The following SH3KBP1 variants were observed in gnomAD, a reference collection of about 807,000 sequenced individuals.
SH3KBP1 encodes the protein SH3 domain-containing kinase-binding protein 1.
A neutral mutation model predicts 50.1 loss-of-function variants in SH3KBP1; 8 were observed. The ratio of observed to expected loss-of-function variants is 0.16; its 90% CI spans 0.09 to 0.29. The LOEUF is 0.29. SH3KBP1 is among the 10% of genes least tolerant of loss of function. The pLI is 1.00. For synonymous variants in SH3KBP1, 227 were observed against 218.6 expected (o/e 1.04, Z -0.34); for missense variants, 377 against 535.2 (o/e 0.70, Z 2.92).
chrX:19,745,706 C>G (rs1430401350), intron 3 of SH3KBP1, among the ~76,000 whole-genome samples: 1 of 111,862 alleles, frequency 8.9e-6, no homozygotes, highest in East Asian at 2.8e-4. Flanking sequence ...GTCTTCTATT[C>G]TCTCTCACAT....
chrX:19,838,098 C>CAAAAAA (rs772561307), intron 1 of SH3KBP1, among the ~76,000 whole-genome samples: 1 of 106,386 alleles, frequency 9.4e-6, no homozygotes, highest in African/African-American at 3.8e-5. Context: ...ACAACAACAA[C>CAAAAAA]AAACCAACTT....
intron 8 of SH3KBP1, among the ~76,000 whole-genome samples, chrX:19,611,956 G>GAAAAAGAA (rs2067432904): frequency 2.6e-5 from 1 of 38,051 alleles, no homozygotes; most frequent in African/African-American, 1.0e-4. Context: ...AGCAGAAGTA[G>GAAAAAGAA]AAAAAAAAAA....
intron 2 of SH3KBP1, among the ~76,000 whole-genome samples, chrX:19,756,238 G>GAA (rs1368924641): frequency 9.0e-6 from 1 of 110,606 alleles, no homozygotes; most frequent in Admixed American, 9.7e-5. Flanking sequence ...TTATACTATA[G>GAA]TATATATTAC....
intron 2 of SH3KBP1, among the ~76,000 whole-genome samples, chrX:19,830,711 G>A (rs769903631): frequency 6.4e-5 from 7 of 110,233 alleles, no homozygotes; most frequent in African/African-American, 2.0e-4. Flanking sequence ...ACAGTAAGCC[G>A]TGATCACGCC....
At position 19,594,920 on chromosome X, in the gene SH3KBP1, T is replaced by C. The variant is rs754952438; in HGVS notation, c.1057+29A>G. ...ATATGCAAAAAGAAAGACGCATATT[T>C]TATTTGATGGAACTGAAAGGTACAT... On this transcript the variant is annotated intron_variant, in intron 10 of 17. Transcript: ENST00000397821. The C allele has an allele frequency of 3.6e-6, 4 of 1,099,023 alleles. No individual in the cohort carries two copies. In the African/African-American group the frequency reaches 7.3e-5, roughly 20 times the overall value. The allele number at this position is 1,099,023 out of a possible 1,213,427, so 90.6% of individuals were successfully genotyped here.
At chrX:19,601,252 G>C (rs969493903) in intron 9 of SH3KBP1, among the ~76,000 whole-genome samples, 2 of 111,496 alleles carry the variant, frequency 1.8e-5, no homozygotes, top group Non-Finnish European at 3.8e-5. Flanking sequence ...GAAGGAAATA[G>C]ATATAAACGT....
chrX:19,583,399 C>T (rs1303392364), intron 12 of SH3KBP1, among the ~76,000 whole-genome samples: 1 of 110,909 alleles, frequency 9.0e-6, no homozygotes, highest in Non-Finnish European at 1.9e-5. Context: ...AGGTGATCCA[C>T]TTGCCTAGGC....
At chrX:19,810,841 T>C (rs2067184114) in intron 2 of SH3KBP1, among the ~76,000 whole-genome samples, 1 of 112,400 alleles carries the variant, frequency 8.9e-6, no homozygotes, top group African/African-American at 3.2e-5. Flanking sequence ...CACACTATAA[T>C]TGCATGGATT....
intron 2 of SH3KBP1, among the ~76,000 whole-genome samples, chrX:19,789,421 C>A (rs961389818): frequency 9.0e-6 from 1 of 111,104 alleles, no homozygotes; most frequent in Non-Finnish European, 1.9e-5. Context: ...ATACCACAGA[C>A]TAGGGGGGCT....
chrX:19,764,865 G>A (rs993357178), intron 2 of SH3KBP1, among the ~76,000 whole-genome samples: 2 of 106,155 alleles, frequency 1.9e-5, no homozygotes, highest in Non-Finnish European at 3.9e-5. Flanking sequence ...CTGGAGTGCA[G>A]TGGTGCGATC....
chrX:19,643,299 A>ATTTT (rs2061905224), intron 7 of SH3KBP1, among the ~76,000 whole-genome samples: 1 of 83,012 alleles, frequency 1.2e-5, no homozygotes, highest in Non-Finnish European at 2.3e-5. Context: ...GAAACTGAAG[A>ATTTT]ATTTTTTATT....
chrX:19,804,887 C>T (rs865953891), intron 2 of SH3KBP1, among the ~76,000 whole-genome samples: 4 of 78,690 alleles, frequency 5.1e-5, no homozygotes, highest in South Asian at 1.2e-3. Context: ...ACCCTACCCC[C>T]CCCCCCCCAC....
At chrX:19,662,276 A>G (rs755910246) in intron 6 of SH3KBP1, among the ~76,000 whole-genome samples, 6 of 112,217 alleles carry the variant, frequency 5.3e-5, no homozygotes, top group Admixed American at 9.5e-5. Flanking sequence ...ATGCTGTTCC[A>G]AATAAAGTAT....
chrX:19,710,239 G>A (rs920367000), intron 3 of SH3KBP1, among the ~76,000 whole-genome samples: 14 of 112,319 alleles, frequency 1.2e-4, no homozygotes, highest in South Asian at 3.7e-4. Flanking sequence ...CATCCTGTCC[G>A]GGATGTGAAT....
At chrX:19,828,112 T>C (rs1245319286) in intron 2 of SH3KBP1, among the ~76,000 whole-genome samples, 1 of 111,556 alleles carries the variant, frequency 9.0e-6, no homozygotes, top group Non-Finnish European at 1.9e-5. Context: ...GAAGATAATG[T>C]AGAAAAATGA....
chrX:19,876,253 C>T (rs1432068438), intron 1 of SH3KBP1, among the ~76,000 whole-genome samples: 1 of 111,474 alleles, frequency 9.0e-6, no homozygotes, highest in Non-Finnish European at 1.9e-5. Flanking sequence ...CCCAGCTACT[C>T]GGGAGGCCGA....
chrX:19,692,665 G>GTA (rs1569422862), intron 5 of SH3KBP1, among the ~76,000 whole-genome samples: 23 of 73,459 alleles, frequency 3.1e-4, no homozygotes, highest in African/African-American at 1.5e-3. Context: ...GTGTGTGTGT[G>GTA]TGTGTATGTA....
chrX:19,700,330 A>T (rs2063511699), intron 4 of SH3KBP1, among the ~76,000 whole-genome samples: 2 of 112,608 alleles, frequency 1.8e-5, no homozygotes, highest in Admixed American at 1.9e-4. Flanking sequence ...CGCTAAAAAA[A>T]TGTTAAGACA....
intron 2 of SH3KBP1, among the ~76,000 whole-genome samples, chrX:19,831,005 G>C (rs2067857274): frequency 8.9e-6 from 1 of 111,838 alleles, no homozygotes; most frequent in Non-Finnish European, 1.9e-5. Flanking sequence ...CAGGGGAATG[G>C]CTGGTATTTT....
Sources: gnomAD v4.1 joint callset for allele counts (sites outside exome capture counted in the v4.1 genomes callset) on GRCh38, gnomAD v4.1.1 for gene constraint, MANE v1.5 for transcripts, NCBI Gene and HGNC (gene_info 2026-07-23, HGNC 2026-07-21) for gene names.